The following CA10 variants were observed in gnomAD, a reference collection of about 807,000 sequenced individuals.
CA10 encodes carbonic anhydrase-related protein 10.
A neutral mutation model predicts 44.2 loss-of-function variants in CA10; 14 were observed. The ratio of observed to expected loss-of-function variants is 0.32; its 90% CI spans 0.21 to 0.50. The LOEUF (loss-of-function observed/expected upper bound fraction) is 0.50. CA10 is among the 20% of genes least tolerant of loss of function. The pLI is 0.99. For missense variants in CA10, 350 were observed against 409.7 expected, an observed-to-expected ratio of 0.85 and a Z score of 1.26; for synonymous variants, 159 against 141.6, an observed-to-expected ratio of 1.12 and a Z score of -0.87.
Position 52,077,674 on chromosome 17 carries a change from A to G in CA10, c.62-5281T>C, listed in dbSNP as rs150190309. Reference sequence around the variant, plus strand: ...AAAAAAAATCAGAATGTTGAAATATATGGGTTTCTAATTACATGTGCCTGA... The same window carrying G: ...AAAAAAAATCAGAATGTTGAAATATGTGGGTTTCTAATTACATGTGCCTGA... On this transcript the variant is annotated intron_variant, in intron 1 of 8. Transcript: ENST00000451037. Among the ~76,000 whole-genome samples, 1,023 of 152,090 alleles carry G rather than the reference A, an allele frequency of 6.7e-3. 6 individuals carry two copies. The highest frequency in any genetic ancestry group is 0.023 in the African/African-American group (954 of 41,454).
chr17:51,871,479 A>T (rs1452991606), intron 3 of CA10, among the ~76,000 whole-genome samples: 5 of 138,940 alleles, frequency 3.6e-5, no homozygotes, highest in Non-Finnish European at 6.0e-5. Context: ...ACCTCAGGTG[A>T]TCCACCTGCC....
At chr17:52,078,052 G>A (rs1045147847) in intron 1 of CA10, among the ~76,000 whole-genome samples, 5 of 152,204 alleles carry the variant, frequency 3.3e-5, no homozygotes, top group African/African-American at 9.7e-5. Context: ...TTTGGATCCA[G>A]ACTAAAACTT....
At chr17:51,806,533 A>C (rs2143729300) in intron 3 of CA10, among the ~76,000 whole-genome samples, 1 of 152,384 alleles carries the variant, frequency 6.6e-6, no homozygotes, top group South Asian at 2.1e-4. Context: ...AAAATGAGAA[A>C]GAAAAAAGAA....
At chr17:51,749,078 G>T (rs78824359) in intron 3 of CA10, among the ~76,000 whole-genome samples, 4 of 152,112 alleles carry the variant, frequency 2.6e-5, no homozygotes, top group African/African-American at 9.7e-5. Flanking sequence ...CTGGTACATC[G>T]ACCAATGGCA....
chr17:52,117,482 A>G (rs1207397752), intron 1 of CA10, among the ~76,000 whole-genome samples: 1 of 152,156 alleles, frequency 6.6e-6, no homozygotes. Context: ...CTCCACCCTG[A>G]GAATTGAGAT....
intron 3 of CA10, among the ~76,000 whole-genome samples, chr17:51,880,904 G>A (rs774450909): frequency 1.3e-5 from 2 of 151,992 alleles, no homozygotes; most frequent in South Asian, 2.1e-4. Flanking sequence ...CAAATTAGTG[G>A]TGATTAGACA....
intron 3 of CA10, among the ~76,000 whole-genome samples, chr17:51,856,361 AAAC>A (rs3033577): frequency 0.15 from 22,230 of 150,370 alleles, 1,848 homozygotes; most frequent in South Asian, 0.37. Context: ...CATTTCAGTA[AAAC>A]AACAACAACA....
At chr17:51,939,058 C>T (rs980422989) in intron 2 of CA10, among the ~76,000 whole-genome samples, 2 of 152,002 alleles carry the variant, frequency 1.3e-5, no homozygotes, top group Admixed American at 1.3e-4. Flanking sequence ...CCTGAGGAAA[C>T]CAGTGTGAAA....
At chr17:51,825,495 CAGAGAGGTTA>C (rs1296985448) in intron 3 of CA10, among the ~76,000 whole-genome samples, 6 of 152,166 alleles carry the variant, frequency 3.9e-5, no homozygotes, top group Non-Finnish European at 8.8e-5. Context: ...AAAGCAGGCA[CAGAGAGGTTA>C]AGTAACTTGC....
intron 2 of CA10, among the ~76,000 whole-genome samples, chr17:51,975,361 A>G (rs2144077186): frequency 6.6e-6 from 1 of 152,354 alleles, no homozygotes; most frequent in African/African-American, 2.4e-5. Flanking sequence ...CTTAAAAGGC[A>G]AAGACTGTCA....
rs1256664705 is a variant in CA10 at position 51,849,145 on chromosome 17, TTATATATATACATATATGTA to T, written c.279+81825_279+81844del. ...TATATAAATATAAAAACTTAGTTTTTTATATATATACATATATGTATATATATATACATATATGTATATAT... is the reference window on the plus strand; with the variant it reads ...TATATAAATATAAAAACTTAGTTTTTTATATATATACATATATGTATATAT... On this transcript the variant is annotated intron_variant, in intron 3 of 8. Coordinates refer to ENST00000451037, the MANE Select transcript of CA10 (RefSeq NM_020178.5). Among the ~76,000 whole-genome samples, 172 of 127,914 alleles carry T rather than the reference TTATATATATACATATATGTA, an allele frequency of 1.3e-3. 2 individuals carry two copies. Among genetic ancestry groups the T allele is most frequent in the South Asian group, 0.012 (46 of 3,790 alleles). 83.9% of individuals were successfully genotyped at this position (127,914 alleles called of 152,430 possible).
In CA10 at chr17:52,095,763, C is replaced by G. The variant is rs533894074; in HGVS notation, c.62-23370G>C. Among the ~76,000 whole-genome samples, 62 of 152,234 alleles carry G rather than the reference C, an allele frequency of 4.1e-4. No homozygotes were observed. In the South Asian group the frequency reaches 0.013, roughly 32 times the overall value. ...GTTTTGGTATATTTACTTTCATTCTCTCTTTCTGCTCCTCACTCCCCAAAC... is the reference window on the plus strand; with the variant it reads ...GTTTTGGTATATTTACTTTCATTCTGTCTTTCTGCTCCTCACTCCCCAAAC... On this transcript the variant is annotated intron_variant, in intron 1 of 8. Coordinates refer to ENST00000451037, the MANE Select transcript of CA10 (RefSeq NM_020178.5).
chr17:51,737,333 T>C (rs1053489329), intron 4 of CA10, among the ~76,000 whole-genome samples: 1 of 152,106 alleles, frequency 6.6e-6, no homozygotes. Flanking sequence ...GCTCAATAAA[T>C]TACAGCTGAT....
chr17:51,671,777 G>A (rs1362405909), intron 4 of CA10, among the ~76,000 whole-genome samples: 1 of 152,154 alleles, frequency 6.6e-6, no homozygotes, highest in Non-Finnish European at 1.5e-5. Flanking sequence ...TTCTGTTAGT[G>A]GAACGCCCCT....
At chr17:51,681,846 C>T (rs1405749573) in intron 4 of CA10, among the ~76,000 whole-genome samples, 2 of 152,170 alleles carry the variant, frequency 1.3e-5, no homozygotes, top group Non-Finnish European at 2.9e-5. Flanking sequence ...TCTGCGTCTC[C>T]AGTGTCTATA....
At chr17:51,694,080 T>A (rs1915315891) in intron 4 of CA10, among the ~76,000 whole-genome samples, 1 of 151,994 alleles carries the variant, frequency 6.6e-6, no homozygotes, top group South Asian at 2.1e-4. Flanking sequence ...GGTGCATGCC[T>A]GCAATCCTGG....
intron 4 of CA10, among the ~76,000 whole-genome samples, chr17:51,731,749 C>T (rs7209971): frequency 0.65 from 97,652 of 151,008 alleles, 31,856 homozygotes; most frequent in East Asian, 0.73. Context: ...AAGATCTTGG[C>T]TTGTTACAAC....
chr17:51,978,200 A>C (rs1984525842), intron 2 of CA10, among the ~76,000 whole-genome samples: 1 of 152,176 alleles, frequency 6.6e-6, no homozygotes, highest in Admixed American at 6.6e-5. Flanking sequence ...TAATTCAAAT[A>C]ATCTAAAATG....
At chr17:51,907,871 T>A (rs990539235) in intron 3 of CA10, among the ~76,000 whole-genome samples, 9 of 152,122 alleles carry the variant, frequency 5.9e-5, no homozygotes, top group African/African-American at 2.2e-4. Context: ...GTGCACAATG[T>A]CCATGTCAGA....
Sources: allele counts gnomAD v4.1 joint callset (sites outside exome capture counted in the v4.1 genomes callset), GRCh38; gene constraint gnomAD v4.1.1; transcripts MANE v1.5; gene names NCBI Gene and HGNC (gene_info 2026-07-23, HGNC 2026-07-21).